Variants in PPP2R3B observed in about 807,000 individuals in gnomAD.
PPP2R3B encodes the protein protein phosphatase 2 regulatory subunit B''beta, also known as serine/threonine-protein phosphatase 2A regulatory subunit B'' subunit beta.
Under a neutral mutation model 72.9 loss-of-function variants are expected in PPP2R3B, and 68 were observed. That is an observed-to-expected ratio of 0.93 (90% CI 0.77 to 1.14). PPP2R3B has a LOEUF of 1.14. Among genes scored for constraint, PPP2R3B ranks in the 50% most tolerant of loss-of-function variants. The pLI is 0.00. For synonymous variants in PPP2R3B, 466 were observed against 375.8 expected (o/e 1.24, Z -2.78); for missense variants, 1,018 against 842.0 (o/e 1.21, Z -2.59).
chrX:334,353 T>C lies in PPP2R3B; in HGVS notation c.*14A>G, dbSNP rs770894238. The stretch of plus-strand genomic sequence containing the variant: ...GTGGGGAGCGGCCCCGCGGCGGCGT[T>C]CTCGCGGGCGGCGTCACAGCGGCTC... On this transcript the variant is annotated 3_prime_UTR_variant, in exon 13 of 13. Transcript: ENST00000390665. 1.2e-5 allele frequency: 18 copies of C among 1,465,820 alleles called. 1 individual carries two copies. The African/African-American group carries it at 2.4e-4, about 20-fold the overall frequency. The allele number at this position is 1,465,820 out of a possible 1,614,324, so 90.8% of individuals were successfully genotyped here.
intron 1 of PPP2R3B, among the ~76,000 whole-genome samples, chrX:384,857 C>T (rs1282382671): frequency 1.2e-4 from 18 of 151,626 alleles, no homozygotes; most frequent in Non-Finnish European, 5.9e-5. Flanking sequence ...TGGTGGTGTG[C>T]GCCTGTAATC....
chrX:383,818 A>T (rs2072178650), intron 1 of PPP2R3B, among the ~76,000 whole-genome samples: 4 of 135,476 alleles, frequency 3.0e-5, no homozygotes, highest in African/African-American at 8.2e-5. Context: ...AGCCTGGGGG[A>T]CAGAGCGAGA....
chrX:357,265 G>A (rs1758451417), intron 2 of PPP2R3B, among the ~76,000 whole-genome samples: 1 of 152,166 alleles, frequency 6.6e-6, no homozygotes, highest in Admixed American at 6.5e-5. Context: ...CTGCCTATGA[G>A]GATGGATACC....
Position 338,896 on chromosome X carries a change from C to T in PPP2R3B, c.1352G>A (p.Gly451Glu). 6.2e-7 allele frequency: 1 copy of T among 1,612,018 alleles called. No homozygotes were observed. Among genetic ancestry groups the T allele is most frequent in the Non-Finnish European group, 8.5e-7 (1 of 1,179,400 alleles). ...MLDLVKPRTE[G>E]KITLQDLKRC... is the part of the protein sequence containing the mutation. ...CTTCAGGTCCTGCAGCGTGATCTTCCCTGCGGGGAGGGGAGTGCGTCCAAG... is the reference window on the plus strand; with the variant it reads ...CTTCAGGTCCTGCAGCGTGATCTTCTCTGCGGGGAGGGGAGTGCGTCCAAG... Residue 451 changes from glycine to glutamate, a missense_variant and splice_region_variant, in exon 11 of 13, where the codon GGG (glycine) becomes GAG (glutamate). Physicochemically the swap from Gly to Glu is moderately conservative, Grantham distance 98 (BLOSUM62 -2). Coordinates refer to ENST00000390665, the MANE Select transcript of PPP2R3B (RefSeq NM_013239.5).
chrX:340,967 CCT>C (rs760810845), intron 9 of PPP2R3B, 27 bp from the exon 10 acceptor site: 1 of 1,603,998 alleles, frequency 6.2e-7, no homozygotes, highest in South Asian at 1.1e-5. Context: ...TCTGTCAGCC[CCT>C]GCCCTGGGCC....
Position 338,694 on chromosome X carries a change from C to T in PPP2R3B, c.1487G>A (p.Gly496Asp). 1 of 1,611,758 alleles carries T rather than the reference C, an allele frequency of 6.2e-7. No individual in the cohort carries two copies. The highest frequency in any genetic ancestry group is 8.5e-7 in the Non-Finnish European group (1 of 1,179,664). Reference sequence around the variant, plus strand: ...CTTCTCCCAGTCCGAGAGCTCGGGGCCGCCGCTGTCACCGTCCTGGAGGAA... The same window carrying T: ...CTTCTCCCAGTCCGAGAGCTCGGGGTCGCCGCTGTCACCGTCCTGGAGGAA... The part of the protein sequence containing the change: ...ISLLRDGDSG[G>D]PELSDWEKYA... The change falls in exon 12 of 13, where the codon GGC becomes GAC. Residue 496 changes from glycine (G) to aspartate (D), a missense_variant. Physicochemically the swap from Gly to Asp is moderately conservative, Grantham distance 94 (BLOSUM62 -1). Coordinates refer to ENST00000390665, the MANE Select transcript of PPP2R3B (RefSeq NM_013239.5).
At chrX:384,878 G>C (rs1232497505) in intron 1 of PPP2R3B, among the ~76,000 whole-genome samples, 2 of 151,440 alleles carry the variant, frequency 1.3e-5, no homozygotes, top group Admixed American at 6.6e-5. Flanking sequence ...ACAGCTACTC[G>C]GGAGGCTGAG....
chrX:377,503 G>A (rs112422647), intron 1 of PPP2R3B, among the ~76,000 whole-genome samples: 20 of 60,520 alleles, frequency 3.3e-4, no homozygotes, highest in Admixed American at 2.9e-3. Flanking sequence ...CAGTGGGGCC[G>A]CCATGGGGCT....
chrX:338,026 G>A (rs1414969522), intron 12 of PPP2R3B: 1 of 158,206 alleles, frequency 6.3e-6, no homozygotes, highest in African/African-American at 2.4e-5. Flanking sequence ...AAAATAACCA[G>A]TCAGTGTCTC....
intron 1 of PPP2R3B, among the ~76,000 whole-genome samples, chrX:371,711 T>C (rs2071869646): frequency 6.6e-6 from 1 of 152,082 alleles, no homozygotes; most frequent in African/African-American, 2.4e-5. Context: ...GGGTGCTCCC[T>C]GACAACCCTG....
intron 2 of PPP2R3B, among the ~76,000 whole-genome samples, chrX:348,064 G>T (rs772915521): frequency 6.6e-6 from 1 of 152,250 alleles, no homozygotes; most frequent in Admixed American, 6.5e-5. Context: ...GACGGCGACA[G>T]AAACATCTCA....
chrX:386,568 G>C lies in PPP2R3B; in HGVS notation c.124C>G (p.Pro42Ala). 1.4e-6 allele frequency: 2 copies of C among 1,442,262 alleles called. No individual in the cohort carries two copies. The highest frequency in any genetic ancestry group is 2.7e-5 in the South Asian group (2 of 75,460). 89.3% of individuals were successfully genotyped at this position (1,442,262 alleles called of 1,614,324 possible). Residue 42 changes from proline (P) to alanine (A), a missense_variant, in exon 1 of 13, where the codon CCC (proline) becomes GCC (alanine). Pro to Ala is a conservative substitution (Grantham distance 27, BLOSUM62 -1). Transcript: ENST00000390665. The stretch of plus-strand genomic sequence containing the variant: ...CCCGGGGTCGGCTGGTCCCGCCCGG[G>C]CGCCTTGATCCGGCGCAGGCAGTCC... ...LQDCLRRIKAPGRDQPTPGDG... is the reference protein window; with the variant it reads ...LQDCLRRIKAAGRDQPTPGDG...
intron 2 of PPP2R3B, among the ~76,000 whole-genome samples, chrX:359,184 C>T (rs139930324): frequency 0.021 from 3,127 of 152,348 alleles, 45 homozygotes; most frequent in Non-Finnish European, 0.031. Flanking sequence ...AGGGTGAGTT[C>T]TCCACACAAC....
At chrX:341,514 G>GCCCCCCTCCTGC (rs2071076148) in intron 8 of PPP2R3B, 118 bp from the exon 9 acceptor site, 1 of 1,055,060 alleles carries the variant, frequency 9.5e-7, no homozygotes, top group Admixed American at 1.8e-5. Flanking sequence ...CCCTCCTCCT[G>GCCCCCCTCCTGC]CCCCCCTCCT....
intron 10 of PPP2R3B, among the ~76,000 whole-genome samples, chrX:339,173 G>A (rs1046939106): frequency 1.3e-5 from 2 of 151,498 alleles, no homozygotes; most frequent in African/African-American, 4.8e-5. Context: ...GCCAGCAGGG[G>A]CGCTGCTGGA....
In PPP2R3B at chrX:334,263, C is replaced by G; in HGVS notation, c.*104G>C. On this transcript the variant is annotated 3_prime_UTR_variant, in exon 13 of 13. Transcript: ENST00000390665. ...TGTGAATAAATAAAAGTTTATCATTCCGTACAAACGCACTCATTTTCCACA... is the reference window on the plus strand; with the variant it reads ...TGTGAATAAATAAAAGTTTATCATTGCGTACAAACGCACTCATTTTCCACA... 7.9e-7 allele frequency: 1 copy of G among 1,263,654 alleles called. No homozygotes were observed. Among genetic ancestry groups the G allele is most frequent in the Non-Finnish European group, 1.0e-6 (1 of 964,974 alleles). The allele number at this position is 1,263,654 out of a possible 1,614,324, so 78.3% of individuals were successfully genotyped here. A position where few individuals can be genotyped will look rare whatever the true frequency, so the allele number is the denominator to read the frequency against.
intron 7 of PPP2R3B, chrX:342,182 G>A (rs767994975): frequency 5.0e-6 from 3 of 603,288 alleles, no homozygotes; most frequent in Non-Finnish European, 8.9e-6. Flanking sequence ...AGACCGACTT[G>A]TAAAGAGCAG....
chrX:376,893 C>T (rs1462630928), intron 1 of PPP2R3B, among the ~76,000 whole-genome samples: 1 of 85,176 alleles, frequency 1.2e-5, no homozygotes, highest in Admixed American at 1.0e-4. Flanking sequence ...ACGGGCCGTC[C>T]ACACCCAGTG....
intron 1 of PPP2R3B, among the ~76,000 whole-genome samples, chrX:365,908 CAT>C (rs1326679443): frequency 1.4e-3 from 11 of 7,776 alleles, no homozygotes; most frequent in African/African-American, 9.4e-3. Context: ...TGTGGTGGCG[CAT>C]GCCTGTAATC....
Sources: gnomAD v4.1 joint callset for allele counts (sites outside exome capture counted in the v4.1 genomes callset) on GRCh38, gnomAD v4.1.1 for gene constraint, MANE v1.5 for transcripts, NCBI Gene and HGNC (gene_info 2026-07-23, HGNC 2026-07-21) for gene names.